Variants in ARL17A observed in about 807,000 individuals in gnomAD.
ARL17A encodes ARF like GTPase 17A.
At chr17:46,500,311 C>T in the ARL17A span, among the ~76,000 whole-genome samples, 3 of 135,666 alleles carry the variant, frequency 2.2e-5, no homozygotes, top group African/African-American at 8.9e-5. Context: ...CATCAGTTTC[C>T]AAAATCCTAC....
At chr17:46,536,926 C>T (rs1430084080) in intron 4 of ARL17A, among the ~76,000 whole-genome samples, 1 of 8,882 alleles carries the variant, frequency 1.1e-4, no homozygotes, top group Non-Finnish European at 1.6e-4. Context: ...TTTTCCAAGG[C>T]GACTACTGAG....
chr17:46,525,518 C>T (rs1227516583), downstream of ARL17A, among the ~76,000 whole-genome samples: 3 of 111,368 alleles, frequency 2.7e-5, no homozygotes, highest in East Asian at 5.0e-4. Context: ...AACCAGGAGG[C>T]GGAGGTTGCA....
At chr17:46,501,651 C>T in the ARL17A span, among the ~76,000 whole-genome samples, 1 of 151,192 alleles carries the variant, frequency 6.6e-6, no homozygotes, top group Non-Finnish European at 1.5e-5. Flanking sequence ...TGTAGAAATC[C>T]TATTCCATGT....
chr17:46,558,061 TG>T lies in ARL17A; in HGVS notation c.260-432del, dbSNP rs1266566294. On this transcript the variant is annotated intron_variant, in intron 3 of 3. Transcript: ENST00000336125. ...CACAGGGAAATTCAGGAGTTTTGTT[TG>T]TTTTTTTTTCTTTTAAGGTGGAGTT... is the stretch of plus-strand genomic sequence containing the variant. 3.6e-5 allele frequency among the ~76,000 whole-genome samples: 5 copies of T among 138,796 alleles called. 1 individual carries two copies. Among genetic ancestry groups the T allele is most frequent in the Non-Finnish European group, 6.2e-5 (4 of 64,130 alleles). The allele number at this position is 138,796 out of a possible 152,430, so 91.1% of individuals were successfully genotyped here.
chr17:46,543,094 T>C (rs1567971800), intron 3 of ARL17A, among the ~76,000 whole-genome samples: 1 of 150,038 alleles, frequency 6.7e-6, no homozygotes, highest in African/African-American at 2.5e-5. Context: ...TGAGGATCTG[T>C]CTGCTTTTTT....
At chr17:46,509,910 GAAA>G in the ARL17A span, among the ~76,000 whole-genome samples, 1 of 46,728 alleles carries the variant, frequency 2.1e-5, no homozygotes, top group South Asian at 1.1e-3. Flanking sequence ...CTCTCTCGAG[GAAA>G]AAAAAAAAAA....
intron 3 of ARL17A, among the ~76,000 whole-genome samples, chr17:46,569,099 A>G (rs1191871553): frequency 1.3e-5 from 2 of 148,690 alleles, no homozygotes; most frequent in African/African-American, 5.1e-5. Context: ...TGCACCACCA[A>G]GCCTGGCTAA....
At chr17:46,550,711 C>T (rs1307231701), downstream of ARL17A, among the ~76,000 whole-genome samples, 6 of 138,650 alleles carry the variant, frequency 4.3e-5, 2 homozygotes, top group African/African-American at 1.5e-4. Flanking sequence ...AAAGGATCCT[C>T]GCTTTCAGAT....
At chr17:46,525,404 A>G (rs1204856411), downstream of ARL17A, among the ~76,000 whole-genome samples, 8 of 108,276 alleles carry the variant, frequency 7.4e-5, no homozygotes, top group Non-Finnish European at 1.2e-4. Flanking sequence ...CCTGACCAAC[A>G]TGGTGAAACC....
the ARL17A span, among the ~76,000 whole-genome samples, chr17:46,502,826 C>T: frequency 6.6e-6 from 1 of 151,084 alleles, no homozygotes; most frequent in Non-Finnish European, 1.5e-5. Context: ...CCCAGGGGCT[C>T]AGAGCCCTTC....
At chr17:46,558,099 G>T (rs1192065130) in intron 3 of ARL17A, among the ~76,000 whole-genome samples, 3 of 133,230 alleles carry the variant, frequency 2.3e-5, no homozygotes, top group Non-Finnish European at 4.8e-5. Flanking sequence ...TGCTCTTGTT[G>T]CTCAGTCTGG....
At chr17:46,502,328 G>A in the ARL17A span, among the ~76,000 whole-genome samples, 1 of 150,972 alleles carries the variant, frequency 6.6e-6, no homozygotes, top group South Asian at 2.1e-4. Flanking sequence ...TTGTTTTTTC[G>A]AGGTGGAGTT....
chr17:46,537,077 ATTTTTTTTTTTTTTTTTT>A lies in ARL17A; in HGVS notation c.335+1256_335+1273del, dbSNP rs766255014. Reference sequence around the variant, plus strand: ...GTTCTGAAAAAGTTTATTGTGGTCAATTTTTTTTTTTTTTTTTTTTTTTTTTTTTGCTATTTTTTTTGG... The same window carrying A: ...GTTCTGAAAAAGTTTATTGTGGTCAATTTTTTTTTTTGCTATTTTTTTTGG... On this transcript the variant is annotated intron_variant, in intron 4 of 4. Coordinates refer to the ARL17A transcript ENST00000329240. Among the ~76,000 whole-genome samples the A allele has an allele frequency of 8.3e-4, 29 of 34,830 alleles. 1 individual carries two copies. The highest frequency in any genetic ancestry group is 1.1e-3 in the Non-Finnish European group (26 of 22,610). The allele number at this position is 34,830 out of a possible 152,430, so 22.8% of individuals were successfully genotyped here.
intron 3 of ARL17A, among the ~76,000 whole-genome samples, chr17:46,568,419 A>T (rs1235009808): frequency 7.9e-6 from 1 of 126,004 alleles, no homozygotes; most frequent in Non-Finnish European, 1.6e-5. Flanking sequence ...TTCACAGGAA[A>T]TCCACAGATA....
chr17:46,545,796 T>C (rs2056219714), intron 3 of ARL17A, among the ~76,000 whole-genome samples: 1 of 148,802 alleles, frequency 6.7e-6, no homozygotes, highest in Non-Finnish European at 1.5e-5. Flanking sequence ...AATGCAGTCT[T>C]TGTTATTTTT....
chr17:46,503,273 T>C, the ARL17A span, among the ~76,000 whole-genome samples: 1 of 147,960 alleles, frequency 6.8e-6, no homozygotes. Flanking sequence ...TTCTCTTCAG[T>C]GGGAAAAAGT....
chr17:46,502,391 A>G, the ARL17A span, among the ~76,000 whole-genome samples: 1 of 151,006 alleles, frequency 6.6e-6, no homozygotes, highest in South Asian at 2.1e-4. Context: ...GCTCACTGCA[A>G]TCTCTGCCTC....
downstream of ARL17A, among the ~76,000 whole-genome samples, chr17:46,515,998 C>T (rs1428683910): frequency 5.0e-4 from 59 of 118,046 alleles, no homozygotes; most frequent in African/African-American, 1.8e-3. Flanking sequence ...CTCCAGAACA[C>T]GAAAATGATA....
the ARL17A span, among the ~76,000 whole-genome samples, chr17:46,502,222 A>C: frequency 1.5e-4 from 23 of 151,082 alleles, no homozygotes; most frequent in East Asian, 9.7e-4. Flanking sequence ...GTGAGAGGAG[A>C]GGGCATTCAT....
Sources: allele counts gnomAD v4.1 joint callset (sites outside exome capture counted in the v4.1 genomes callset), GRCh38; gene constraint gnomAD v4.1.1; transcripts MANE v1.5; gene names NCBI Gene and HGNC (gene_info 2026-07-23, HGNC 2026-07-21).